The following BRIP1 variants were observed in gnomAD, a reference collection of about 807,000 sequenced individuals.
BRIP1 encodes the protein Fanconi anemia group J protein.
A neutral mutation model predicts 119.7 loss-of-function variants in BRIP1; 88 were observed. That is an observed-to-expected ratio of 0.74 (90% CI 0.62 to 0.88). The LOEUF (loss-of-function observed/expected upper bound fraction) is 0.88. Ranked by LOEUF, BRIP1 falls within the 40% of genes least tolerant of loss-of-function variation. BRIP1 has a pLI of 0.00. For missense variants in BRIP1, 1,259 were observed against 1,455.4 expected (o/e 0.87, Z 2.20); for synonymous variants, 443 against 496.5 (o/e 0.89, Z 1.43).
chr17:61,717,508 T>C lies in BRIP1; in HGVS notation c.2380-1445A>G, dbSNP rs1242750674. On this transcript the variant is annotated intron_variant, in intron 16 of 19. Coordinates refer to ENST00000259008, the MANE Select transcript of BRIP1 (RefSeq NM_032043.3). The surrounding 1 kb of genome is among the most constrained non-coding windows in gnomAD (Gnocchi z 4.1). ...AGAGATTGTCCCACTTGATCAAGAA[T>C]TCTAAATTGACAGGTTTTTTCTTTT... Among the ~76,000 whole-genome samples, 2 of 152,166 alleles carry C rather than the reference T, an allele frequency of 1.3e-5. No homozygotes were observed. The highest frequency in any genetic ancestry group is 1.3e-4 in the Admixed American group (2 of 15,274).
rs2077826041 is a variant in BRIP1 at position 61,792,021 on chromosome 17, A to G, written c.1473+1576T>C. On this transcript the variant is annotated intron_variant, in intron 10 of 19. Coordinates refer to ENST00000259008, the MANE Select transcript of BRIP1 (RefSeq NM_032043.3). ...CCCCAAAGTTCACTGGTGAAGATGT[A>G]CAACAACAGGAACTTTTGTTCATTG... is the stretch of plus-strand genomic sequence containing the variant. Among the ~76,000 whole-genome samples, 3 of 152,232 alleles carry G rather than the reference A, an allele frequency of 2.0e-5. No individual in the cohort carries two copies. The South Asian group carries it at 6.2e-4, about 31-fold the overall frequency.
intron 19 of BRIP1, 66 bp downstream of exon 19, chr17:61,685,770 A>G: frequency 7.3e-7 from 1 of 1,362,488 alleles, no homozygotes; most frequent in Non-Finnish European, 1.0e-6. Context: ...ACCCAAATAA[A>G]TATCATTTCA....
rs889689323 is a variant in BRIP1 at position 61,828,330 on chromosome 17, C to T, written c.627+18771G>A. On this transcript the variant is annotated intron_variant, in intron 6 of 19. Transcript: ENST00000259008. The surrounding 1 kb of genome is among the most constrained non-coding windows in gnomAD (Gnocchi z 4.1). ...AAAGGACAAATATTGCATGATTCCA[C>T]TTACATGAGGTATCTAGAGTAGTCA... is the stretch of plus-strand genomic sequence containing the variant. Among the ~76,000 whole-genome samples the T allele has an allele frequency of 1.3e-5, 2 of 152,072 alleles. No individual in the cohort carries two copies. Among genetic ancestry groups the T allele is most frequent in the African/African-American group, 4.8e-5 (2 of 41,402 alleles).
rs1446665024 is a variant in BRIP1, at chr17:61,710,328, C to A, written c.2492+5623G>T. Among the ~76,000 whole-genome samples, 1 of 152,140 alleles carries A rather than the reference C, an allele frequency of 6.6e-6. No homozygotes were observed. Among genetic ancestry groups the A allele is most frequent in the Non-Finnish European group, 1.5e-5 (1 of 68,022 alleles). ...AACCTCACATTTTTCACTAATTCAA[C>A]AAGCATTTGAGACTTAGTTGGTTGC... On this transcript the variant is annotated intron_variant, in intron 17 of 19. Coordinates refer to ENST00000259008, the MANE Select transcript of BRIP1 (RefSeq NM_032043.3). This position sits in a 1 kb window ranked among gnomAD's most constrained non-coding sequence, Gnocchi z 5.4.
chr17:61,730,617 G>A lies in BRIP1; in HGVS notation c.2379+12396C>T, dbSNP rs1230280366. 6.6e-6 allele frequency among the ~76,000 whole-genome samples: 1 copy of A among 152,046 alleles called. No homozygotes were observed. Among genetic ancestry groups the A allele is most frequent in the Non-Finnish European group, 1.5e-5 (1 of 68,006 alleles). ...AGATGAACACAAGAAAATAACTTCA[G>A]AATTGTTCAAAAATCAAAACCAAAA... On this transcript the variant is annotated intron_variant, in intron 16 of 19. Transcript: ENST00000259008. The surrounding 1 kb of genome is among the most constrained non-coding windows in gnomAD (Gnocchi z 4.3).
intron 8 of BRIP1, among the ~76,000 whole-genome samples, chr17:61,800,203 G>C (rs2145319795): frequency 6.6e-6 from 1 of 152,256 alleles, no homozygotes. Flanking sequence ...GGGTAGGTTT[G>C]TGTCACTTGC....
chr17:61,838,542 T>A, intron 6 of BRIP1, among the ~76,000 whole-genome samples: 1 of 130,004 alleles, frequency 7.7e-6, no homozygotes, highest in Non-Finnish European at 1.6e-5. Flanking sequence ...AGACTCCCTC[T>A]CAAAAAATAA....
In BRIP1 at chr17:61,755,823, C is replaced by A. The variant is rs1270474843; in HGVS notation, c.2098-11232G>T. The stretch of plus-strand genomic sequence containing the variant: ...ATAGGATACTAAGTCTGAGATACTG[C>A]AAGTTACGAGAGGAAAGGATGGTCA... On this transcript the variant is annotated intron_variant, in intron 14 of 19. Transcript: ENST00000259008. The surrounding 1 kb of genome is among the most constrained non-coding windows in gnomAD (Gnocchi z 4.5). 6.6e-6 allele frequency among the ~76,000 whole-genome samples: 1 copy of A among 152,014 alleles called. No homozygotes were observed. The highest frequency in any genetic ancestry group is 6.6e-5 in the Admixed American group (1 of 15,264).
chr17:61,715,885 G>C, intron 17 of BRIP1, 66 bp downstream of exon 17: 2 of 1,059,690 alleles, frequency 1.9e-6, no homozygotes, highest in South Asian at 1.5e-5. Context: ...GAGTAAAGTA[G>C]CAAGACTAGA....
chr17:61,765,350 A>ATG (rs1258562893), intron 14 of BRIP1, among the ~76,000 whole-genome samples: 1 of 89,526 alleles, frequency 1.1e-5, no homozygotes, highest in African/African-American at 4.7e-5. Context: ...ACACATACAT[A>ATG]TGTATGTGTG....
At position 61,721,869 on chromosome 17, in the gene BRIP1, T is replaced by C. The variant is rs114684235; in HGVS notation, c.2380-5806A>G. ...CACGCCACCATGCCCAGCTAATTTT[T>C]TGTGTATATATATATTTTTTGTTTG... On this transcript the variant is annotated intron_variant, in intron 16 of 19. Transcript: ENST00000259008. Among the ~76,000 whole-genome samples the C allele has an allele frequency of 3.9e-3, 584 of 150,180 alleles. 2 individuals are homozygous for C. The highest frequency in any genetic ancestry group is 0.013 in the African/African-American group (548 of 40,790).
At position 61,846,409 on chromosome 17, in the gene BRIP1, G is replaced by A. The variant is rs996605219; in HGVS notation, c.627+692C>T. The stretch of plus-strand genomic sequence containing the variant: ...ATTTTTTCCTTTTTTTTTTTGAGAC[G>A]GGGTCTCACTCTGTCATCCAGGCTG... On this transcript the variant is annotated intron_variant, in intron 6 of 19. Transcript: ENST00000259008. The surrounding 1 kb of genome is among the most constrained non-coding windows in gnomAD (Gnocchi z 4.3). Among the ~76,000 whole-genome samples, 4 of 150,554 alleles carry A rather than the reference G, an allele frequency of 2.7e-5. No homozygotes were observed. Among genetic ancestry groups the A allele is most frequent in the Non-Finnish European group, 4.4e-5 (3 of 67,748 alleles).
At chr17:61,711,917 G>T (rs1408114868) in intron 17 of BRIP1, among the ~76,000 whole-genome samples, 1 of 151,594 alleles carries the variant, frequency 6.6e-6, no homozygotes, top group East Asian at 1.9e-4. Flanking sequence ...TAAAATGATG[G>T]GGAGTACAGT....
Position 61,743,615 on chromosome 17 carries a change from T to C in BRIP1, c.2258-481A>G, listed in dbSNP as rs1327463223. 1.3e-5 allele frequency among the ~76,000 whole-genome samples: 2 copies of C among 152,162 alleles called. No individual in the cohort carries two copies. The highest frequency in any genetic ancestry group is 6.5e-5 in the Admixed American group (1 of 15,270). Reference sequence around the variant, plus strand: ...TATACACCATAAAAAGATACTGATATGTTATATTACCTCTTTCTTGCATTG... The same window carrying C: ...TATACACCATAAAAAGATACTGATACGTTATATTACCTCTTTCTTGCATTG... On this transcript the variant is annotated intron_variant, in intron 15 of 19. Transcript: ENST00000259008. The surrounding 1 kb of genome is among the most constrained non-coding windows in gnomAD (Gnocchi z 4.3).
rs764011599 is a variant in BRIP1, at chr17:61,760,640, A to G, written c.2097+15761T>C. ...AGAAATACAAAGGATCAAAGTGACT[A>G]TTACAATTATATGCCAACAAAATAA... On this transcript the variant is annotated intron_variant, in intron 14 of 19. Transcript: ENST00000259008. The surrounding 1 kb of genome is among the most constrained non-coding windows in gnomAD (Gnocchi z 4.6). 2.0e-5 allele frequency among the ~76,000 whole-genome samples: 3 copies of G among 151,996 alleles called. No individual in the cohort carries two copies. The highest frequency in any genetic ancestry group is 4.4e-5 in the Non-Finnish European group (3 of 67,888).
In BRIP1 at chr17:61,796,857, G is replaced by C. The variant is rs2077907698; in HGVS notation, c.1340+2243C>G. Among the ~76,000 whole-genome samples, 1 of 151,936 alleles carries C rather than the reference G, an allele frequency of 6.6e-6. No individual in the cohort carries two copies. The highest frequency in any genetic ancestry group is 1.5e-5 in the Non-Finnish European group (1 of 67,940). On this transcript the variant is annotated intron_variant, in intron 9 of 19. Coordinates refer to ENST00000259008, the MANE Select transcript of BRIP1 (RefSeq NM_032043.3). This position sits in a 1 kb window ranked among gnomAD's most constrained non-coding sequence, Gnocchi z 4.8. ...CAATCAATGATATTGAGGAATTGGGGATATACTGTGCAGGTGGCATCTATA... is the reference window on the plus strand; with the variant it reads ...CAATCAATGATATTGAGGAATTGGGCATATACTGTGCAGGTGGCATCTATA...
rs780578438 is a variant in BRIP1, at chr17:61,683,354, A to G, written c.3692T>C (p.Ile1231Thr). The G allele has an allele frequency of 6.2e-7, 1 of 1,611,546 alleles. No homozygotes were observed. Among genetic ancestry groups the G allele is most frequent in the Admixed American group, 1.7e-5 (1 of 59,838 alleles). ...LELGKTHEIE[I>T]KNFKPSPSKN... ...GGAAGGAGATGGTTTAAAGTTCTTT[A>G]TTTCTATTTCATGAGTTTTTCCCAG... Residue 1231 changes from isoleucine (I) to threonine (T), a missense_variant, in exon 20 of 20, where the codon ATA becomes ACA. By Grantham distance (89) the Ile-to-Thr change is moderately conservative. This residue lies in a region of BRIP1 where 753 missense variants were observed against 891.8 expected (regional missense o/e 0.84). Coordinates refer to ENST00000259008, the MANE Select transcript of BRIP1 (RefSeq NM_032043.3). This position sits in a 1 kb window ranked among gnomAD's most constrained non-coding sequence, Gnocchi z 4.7.
chr17:61,783,528 A>G (rs941896815), intron 11 of BRIP1, among the ~76,000 whole-genome samples: 9 of 152,126 alleles, frequency 5.9e-5, no homozygotes, highest in African/African-American at 2.2e-4. Context: ...ACTGAGTTGT[A>G]TACGTAAAAT....
intron 19 of BRIP1, chr17:61,685,602 A>T: frequency 1.8e-6 from 1 of 553,100 alleles, no homozygotes; most frequent in Non-Finnish European, 3.2e-6. Context: ...GCTCATGATC[A>T]CAAAGCTAGT....
Sources: allele counts gnomAD v4.1 joint callset (sites outside exome capture counted in the v4.1 genomes callset), GRCh38; gene constraint gnomAD v4.1.1; regional missense constraint gnomAD v4.1.1; non-coding constraint Gnocchi (gnomAD v3.1); transcripts MANE v1.5; gene names NCBI Gene and HGNC (gene_info 2026-07-23, HGNC 2026-07-21).